SYTL5: variants seen among roughly 807,000 people sequenced by gnomAD.
SYTL5 encodes synaptotagmin like 5.
A neutral mutation model predicts 55.9 loss-of-function variants in SYTL5; 34 were observed. That is an observed-to-expected ratio of 0.61 (90% CI 0.46 to 0.81). The LOEUF is 0.81. Ranked by LOEUF, SYTL5 falls within the 30% of genes least tolerant of loss-of-function variation. SYTL5 has a pLI of 0.00. For missense variants in SYTL5, 637 were observed against 546.7 expected, an observed-to-expected ratio of 1.17 and a Z score of -1.65; for synonymous variants, 221 against 188.7, an observed-to-expected ratio of 1.17 and a Z score of -1.40.
chrX:37,957,813 G>A, the SYTL5 span, among the ~76,000 whole-genome samples: 1 of 112,220 alleles, frequency 8.9e-6, no homozygotes, highest in African/African-American at 3.2e-5. Flanking sequence ...AATGCCATTT[G>A]AATTTTGATA....
the SYTL5 span, among the ~76,000 whole-genome samples, chrX:37,912,888 T>C: frequency 8.9e-6 from 1 of 112,019 alleles, no homozygotes; most frequent in Non-Finnish European, 1.9e-5. Flanking sequence ...AATACCAGTT[T>C]TATTACTGGT....
At chrX:37,960,732 TA>T in the SYTL5 span, among the ~76,000 whole-genome samples, 1,075 of 110,036 alleles carry the variant, frequency 9.8e-3, 15 homozygotes, top group African/African-American at 0.034. Context: ...GCAATGCAGG[TA>T]TTTTTTTTTC....
the SYTL5 span, among the ~76,000 whole-genome samples, chrX:37,928,833 AG>A: frequency 1.8e-5 from 2 of 112,254 alleles, no homozygotes; most frequent in Admixed American, 1.9e-4. Flanking sequence ...GTCCAGTGGT[AG>A]TGACTTTTTG....
chrX:38,078,032 CA>C lies in SYTL5; in HGVS notation c.689+1340del, dbSNP rs1014217954. Among the ~76,000 whole-genome samples, 30 of 107,516 alleles carry C rather than the reference CA, an allele frequency of 2.8e-4. 1 individual carries two copies. The East Asian group carries it at 2.9e-3, about 10-fold the overall frequency. The allele number at this position is 107,516 out of a possible 115,157, so 93.4% of individuals were successfully genotyped here. Reference sequence around the variant, plus strand: ...TGGGTGACTGAGCAAGACCTTGTCTCAAAAAAAAATGAATAAATAAATCTCA... The same window carrying C: ...TGGGTGACTGAGCAAGACCTTGTCTCAAAAAAAATGAATAAATAAATCTCA... On this transcript the variant is annotated intron_variant, in intron 6 of 16. Coordinates refer to ENST00000297875, the MANE Select transcript of SYTL5 (RefSeq NM_138780.3).
At chrX:38,075,547 A>G (rs1441049844) in intron 5 of SYTL5, among the ~76,000 whole-genome samples, 1 of 111,774 alleles carries the variant, frequency 8.9e-6, no homozygotes, top group Non-Finnish European at 1.9e-5. Flanking sequence ...AAACGGAGGA[A>G]GAGTGACTCC....
chrX:38,125,239 C>A, intron 15 of SYTL5, 59 bp from the exon 16 acceptor site: 1 of 1,025,793 alleles, frequency 9.7e-7, no homozygotes. Context: ...CACTTGTGTA[C>A]ACGCTGACAT....
intron 13 of SYTL5, among the ~76,000 whole-genome samples, chrX:38,112,044 G>T (rs1305580801): frequency 9.0e-6 from 1 of 111,490 alleles, no homozygotes; most frequent in Non-Finnish European, 1.9e-5. Flanking sequence ...TCATAAGAGG[G>T]AAGCATCTCT....
the SYTL5 span, among the ~76,000 whole-genome samples, chrX:37,936,925 C>T: frequency 9.3e-6 from 1 of 107,765 alleles, no homozygotes; most frequent in Non-Finnish European, 1.9e-5. Context: ...TGGCAAGTGA[C>T]TGTAATCTCA....
In SYTL5 at chrX:38,099,431, G is replaced by A. The variant is rs775244751; in HGVS notation, c.1063-2911G>A. ...TTTGAAAAAATAATAGGGATAATAG[G>A]GATGCATTTTTTCAGAATTAAAGAG... is the stretch of plus-strand genomic sequence containing the variant. On this transcript the variant is annotated intron_variant, in intron 9 of 16. Coordinates refer to ENST00000297875, the MANE Select transcript of SYTL5 (RefSeq NM_138780.3). 1.3e-4 allele frequency among the ~76,000 whole-genome samples: 14 copies of A among 110,885 alleles called. 1 individual carries two copies. The highest frequency in any genetic ancestry group is 2.1e-4 in the Non-Finnish European group (11 of 52,408).
the SYTL5 span, among the ~76,000 whole-genome samples, chrX:37,988,752 A>G: frequency 9.8e-5 from 11 of 112,475 alleles, no homozygotes; most frequent in South Asian, 3.7e-3. Context: ...GTGAATGCTT[A>G]GAAAGAAATT....
chrX:38,041,709 A>G (rs775254416), intron 2 of SYTL5, among the ~76,000 whole-genome samples: 1 of 112,446 alleles, frequency 8.9e-6, no homozygotes, highest in African/African-American at 3.2e-5. Flanking sequence ...TTCTCCGAGG[A>G]AGCGTTACTT....
chrX:38,043,266 T>C (rs886580664), intron 2 of SYTL5, among the ~76,000 whole-genome samples: 7 of 110,495 alleles, frequency 6.3e-5, no homozygotes, highest in Non-Finnish European at 1.3e-4. Flanking sequence ...AATGGGCTTA[T>C]TACAGAAAAT....
chrX:38,047,110 G>A (rs1224177589), intron 2 of SYTL5, among the ~76,000 whole-genome samples: 1 of 112,062 alleles, frequency 8.9e-6, no homozygotes, highest in African/African-American at 3.2e-5. Context: ...CACAGTGTAA[G>A]CTGTCAGTAG....
chrX:38,054,939 A>G (rs1324009497), intron 3 of SYTL5, among the ~76,000 whole-genome samples: 1 of 109,845 alleles, frequency 9.1e-6, no homozygotes, highest in Non-Finnish European at 1.9e-5. Flanking sequence ...CTGGTCTTGC[A>G]CTCCTGGACT....
chrX:38,063,491 T>C (rs1936012047), intron 3 of SYTL5, among the ~76,000 whole-genome samples: 1 of 111,773 alleles, frequency 8.9e-6, no homozygotes, highest in Admixed American at 9.5e-5. Context: ...ATACATATAG[T>C]TTAAACAATA....
chrX:38,089,277 C>T (rs752171080), intron 6 of SYTL5, among the ~76,000 whole-genome samples, 169 bp from the exon 7 acceptor site: 1 of 111,986 alleles, frequency 8.9e-6, no homozygotes, highest in Admixed American at 9.4e-5. Flanking sequence ...CCCTCAGGGC[C>T]TTTGAGGAGG....
chrX:38,004,549 T>A (rs1326405724), upstream of SYTL5, among the ~76,000 whole-genome samples: 3 of 111,653 alleles, frequency 2.7e-5, no homozygotes, highest in Admixed American at 2.9e-4. Context: ...GATGAATGGA[T>A]AAAGAAACTG....
the SYTL5 span, among the ~76,000 whole-genome samples, chrX:37,944,737 G>A: frequency 8.9e-6 from 1 of 112,598 alleles, no homozygotes; most frequent in South Asian, 3.7e-4. Flanking sequence ...GAAGAGCATT[G>A]TGTGCAGTTC....
chrX:38,125,355 G>C lies in SYTL5; in HGVS notation c.1899G>C (p.Lys633Asn). 1 of 1,211,745 alleles carries C rather than the reference G, an allele frequency of 8.3e-7. No homozygotes were observed. Among genetic ancestry groups the C allele is most frequent in the East Asian group, 3.0e-5 (1 of 33,853 alleles). Residue 633 changes from lysine (K) to asparagine (N), a missense_variant, in exon 16 of 17, where the codon AAG becomes AAC. Lys to Asn is a moderately conservative substitution (Grantham distance 94). Coordinates refer to ENST00000297875, the MANE Select transcript of SYTL5 (RefSeq NM_138780.3). ...AGCACAAAACTCTGGTAATAAAAAAGAGTGTTAACCCTCAGTGGAATCATA... is the reference window on the plus strand; with the variant it reads ...AGCACAAAACTCTGGTAATAAAAAACAGTGTTAACCCTCAGTGGAATCATA... ...ATKHKTLVIK[K>N]SVNPQWNHTF...
Sources: allele counts gnomAD v4.1 joint callset (sites outside exome capture counted in the v4.1 genomes callset), GRCh38; gene constraint gnomAD v4.1.1; transcripts MANE v1.5; gene names NCBI Gene and HGNC (gene_info 2026-07-23, HGNC 2026-07-21).